The following ATXN7L1 variants were observed in gnomAD, a reference collection of about 807,000 sequenced individuals.
ATXN7L1 encodes ataxin 7 like 1.
A neutral mutation model predicts 70.8 loss-of-function variants in ATXN7L1; 15 were observed. That is an observed-to-expected ratio of 0.21 (90% CI 0.14 to 0.33). The LOEUF (loss-of-function observed/expected upper bound fraction) is 0.33. Ranked by LOEUF, ATXN7L1 falls within the 10% of genes least tolerant of loss-of-function variation. ATXN7L1 has a pLI of 1.00. For missense variants in ATXN7L1, 975 were observed against 1,097.1 expected, an observed-to-expected ratio of 0.89 and a Z score of 1.57; for synonymous variants, 440 against 445.1, an observed-to-expected ratio of 0.99 and a Z score of 0.14.
chr7:105,607,571 T>G lies in ATXN7L1; in HGVS notation c.*281A>C. The G allele has an allele frequency of 2.1e-6, 1 of 478,512 alleles. No homozygotes were observed. 29.6% of individuals were successfully genotyped at this position (478,512 alleles called of 1,614,324 possible). A position where few individuals can be genotyped will look rare whatever the true frequency, so the allele number is the denominator to read the frequency against. On this transcript the variant is annotated 3_prime_UTR_variant, in exon 12 of 12. Coordinates refer to ENST00000419735, the MANE Select transcript of ATXN7L1 (RefSeq NM_020725.2). ...GTAGCAGCATCAGGAGCTAGGGGAG[T>G]GACCCCAAATTTGGAAGAATGTAAA...
intron 2 of ATXN7L1, among the ~76,000 whole-genome samples, chr7:105,826,145 G>C (rs565816473): frequency 6.6e-6 from 1 of 152,372 alleles, no homozygotes; most frequent in South Asian, 2.1e-4. Flanking sequence ...GCAGTGGGTA[G>C]AGACAGGGCA....
At chr7:105,620,892 C>CAG (rs1794833472) in intron 8 of ATXN7L1, among the ~76,000 whole-genome samples, 1 of 28,948 alleles carries the variant, frequency 3.5e-5, no homozygotes, top group Non-Finnish European at 7.9e-5. Context: ...GAGACTGTCT[C>CAG]AGAGAAAAAA....
chr7:105,735,583 C>G (rs1198746470), intron 3 of ATXN7L1, among the ~76,000 whole-genome samples: 1 of 152,134 alleles, frequency 6.6e-6, no homozygotes, highest in East Asian at 1.9e-4. Context: ...GAGAAAAGTG[C>G]AACAAACACC....
chr7:105,672,820 G>T (rs1483188427), intron 3 of ATXN7L1, among the ~76,000 whole-genome samples: 1 of 152,240 alleles, frequency 6.6e-6, no homozygotes, highest in East Asian at 1.9e-4. Context: ...GTGTTAGGCA[G>T]CTGGCAGGTA....
chr7:105,641,214 C>CTCTTTTTTTT (rs1316374331), intron 5 of ATXN7L1, among the ~76,000 whole-genome samples: 462 of 21,702 alleles, frequency 0.021, 106 homozygotes, highest in Non-Finnish European at 0.034. Flanking sequence ...CTCTCTCTCT[C>CTCTTTTTTTT]TTTTTTTTTT....
intron 3 of ATXN7L1, among the ~76,000 whole-genome samples, chr7:105,783,918 A>G (rs1803895348): frequency 1.3e-5 from 2 of 151,988 alleles, no homozygotes; most frequent in Admixed American, 6.6e-5. Context: ...TGTGGGACTG[A>G]GCCTTTAACC....
chr7:105,788,565 C>T (rs1804666611), intron 3 of ATXN7L1, 39 bp downstream of exon 3: 9 of 1,508,186 alleles, frequency 6.0e-6, no homozygotes, highest in Non-Finnish European at 8.3e-6. Flanking sequence ...CCCAGGGCGG[C>T]AGCTGCAGAT....
intron 3 of ATXN7L1, among the ~76,000 whole-genome samples, chr7:105,746,064 G>A (rs932317948): frequency 1.3e-5 from 2 of 152,156 alleles, no homozygotes; most frequent in Non-Finnish European, 2.9e-5. Context: ...CTAACCTCCT[G>A]TTGTTCTCTC....
At chr7:105,837,305 C>G (rs777834054) in intron 2 of ATXN7L1, among the ~76,000 whole-genome samples, 7 of 152,184 alleles carry the variant, frequency 4.6e-5, no homozygotes, top group Non-Finnish European at 8.8e-5. Context: ...CACTGGCCTT[C>G]TGATTCCTTC....
intron 2 of ATXN7L1, among the ~76,000 whole-genome samples, chr7:105,852,949 G>T (rs1815097074): frequency 6.6e-6 from 1 of 152,012 alleles, no homozygotes; most frequent in Non-Finnish European, 1.5e-5. Context: ...GAAACGAGTC[G>T]CAAAAGGACA....
At chr7:105,810,024 G>A (rs1808203166) in intron 2 of ATXN7L1, among the ~76,000 whole-genome samples, 1 of 152,124 alleles carries the variant, frequency 6.6e-6, no homozygotes, top group Non-Finnish European at 1.5e-5. Flanking sequence ...CTCCAGCCTT[G>A]GCCTCCCAAA....
At chr7:105,617,435 G>T (rs949954920) in intron 9 of ATXN7L1, among the ~76,000 whole-genome samples, 1 of 152,148 alleles carries the variant, frequency 6.6e-6, no homozygotes, top group Non-Finnish European at 1.5e-5. Context: ...TCTTAACCTG[G>T]CTGACACTCA....
At chr7:105,639,638 A>G (rs1311814623) in intron 5 of ATXN7L1, 69 bp from the exon 6 acceptor site, 10 of 1,136,652 alleles carry the variant, frequency 8.8e-6, no homozygotes, top group Non-Finnish European at 1.3e-5. Context: ...TTAAGACTAC[A>G]TTTTTTAAAA....
chr7:105,630,301 T>C (rs781374532), intron 7 of ATXN7L1, among the ~76,000 whole-genome samples: 1 of 152,096 alleles, frequency 6.6e-6, no homozygotes, highest in African/African-American at 2.4e-5. Flanking sequence ...AGTAAAGAGA[T>C]AAAAAAGGCA....
chr7:105,711,238 G>A (rs1031296921), intron 3 of ATXN7L1, among the ~76,000 whole-genome samples: 1 of 151,588 alleles, frequency 6.6e-6, no homozygotes, highest in Non-Finnish European at 1.5e-5. Context: ...ATGAGATTTG[G>A]ATGGGGACAC....
chr7:105,855,451 G>GT (rs1289976491), intron 2 of ATXN7L1, among the ~76,000 whole-genome samples: 1 of 152,192 alleles, frequency 6.6e-6, no homozygotes, highest in Non-Finnish European at 1.5e-5. Flanking sequence ...GATATCCTAC[G>GT]TAACAGTGTG....
At chr7:105,791,905 T>A (rs528980417) in intron 2 of ATXN7L1, among the ~76,000 whole-genome samples, 24 of 152,276 alleles carry the variant, frequency 1.6e-4, no homozygotes, top group Non-Finnish European at 2.8e-4. Flanking sequence ...TTAACAAAAA[T>A]TTCTTGAACA....
In ATXN7L1 at chr7:105,839,282, T is replaced by C. The variant is rs2108323; in HGVS notation, c.250+36530A>G. 2.5e-3 allele frequency among the ~76,000 whole-genome samples: 374 copies of C among 150,966 alleles called. 14 individuals are homozygous for C. The highest frequency in any genetic ancestry group is 0.023 in the Admixed American group (343 of 15,204). ...GTGCACTTAAAATGAAAATCAAAAC[T>C]TGAACATGGAAGATGGTTGCCTGAT... On this transcript the variant is annotated intron_variant, in intron 2 of 11. Transcript: ENST00000419735.
intron 3 of ATXN7L1, among the ~76,000 whole-genome samples, chr7:105,693,584 T>A (rs111972914): frequency 0.075 from 3,014 of 40,118 alleles, 59 homozygotes; most frequent in East Asian, 0.22. Context: ...TCCATCCATC[T>A]AATTTGAAGA....
Sources: allele counts gnomAD v4.1 joint callset (sites outside exome capture counted in the v4.1 genomes callset), GRCh38; gene constraint gnomAD v4.1.1; transcripts MANE v1.5; gene names NCBI Gene and HGNC (gene_info 2026-07-23, HGNC 2026-07-21).